LRRK1: variants seen among roughly 807,000 people sequenced by gnomAD.
The protein encoded by LRRK1 is leucine rich repeat kinase 1, also known as leucine-rich repeat serine/threonine-protein kinase 1.
In LRRK1, 113 loss-of-function variants were observed where a neutral mutation model predicts 209.1. The observed-to-expected ratio is 0.54, with a 90% CI of 0.46 to 0.63. The LOEUF (loss-of-function observed/expected upper bound fraction) is 0.63. Ranked by LOEUF, LRRK1 falls within the 30% of genes least tolerant of loss-of-function variation. The probability of loss-of-function intolerance (pLI) is 0.00; values close to 1 mark genes in which losing one functional copy is unlikely to be tolerated. For synonymous variants in LRRK1, 1,144 were observed against 1,099.7 expected (o/e 1.04, Z -0.80); for missense variants, 2,284 against 2,632.2 (o/e 0.87, Z 2.89).
intron 2 of LRRK1, among the ~76,000 whole-genome samples, chr15:100,958,103 G>A (rs1457243159): frequency 1.3e-5 from 2 of 152,128 alleles, no homozygotes; most frequent in Non-Finnish European, 2.9e-5. Context: ...TGATCTGCCC[G>A]CCTTAGCCTC....
At chr15:101,028,624 T>C (rs755212990) in intron 19 of LRRK1, among the ~76,000 whole-genome samples, 1 of 152,242 alleles carries the variant, frequency 6.6e-6, no homozygotes, top group African/African-American at 2.4e-5. Context: ...ACTCAGCACA[T>C]GTCTGCAAAT....
intron 20 of LRRK1, among the ~76,000 whole-genome samples, chr15:101,038,696 C>A (rs2034601884): frequency 6.6e-6 from 1 of 152,154 alleles, no homozygotes; most frequent in African/African-American, 2.4e-5. Context: ...TCCAGTGTTC[C>A]CTCTTGGATG....
chr15:100,993,263 G>T lies in LRRK1; in HGVS notation c.762+3865G>T, dbSNP rs78986056. ...CCTTTTTCTCTAATTTTAGCTTGTT[G>T]ATTACAGTATTTGAGCCCTTTATGT... is the stretch of plus-strand genomic sequence containing the variant. On this transcript the variant is annotated intron_variant, in intron 6 of 33. Coordinates refer to ENST00000388948, the MANE Select transcript of LRRK1 (RefSeq NM_024652.6). 3.2e-3 allele frequency among the ~76,000 whole-genome samples: 485 copies of T among 152,184 alleles called. 2 individuals are homozygous for T. Among genetic ancestry groups the T allele is most frequent in the African/African-American group, 0.011 (466 of 41,514 alleles).
rs773362599 is a variant in LRRK1, at chr15:101,022,526, G to C, written c.1996G>C (p.Val666Leu). Reference protein sequence around the residue: ...EILQTGRAPQVVHGEATIRTT... With the variant: ...EILQTGRAPQLVHGEATIRTT... ...CTTACAGACGGGGAGGGCCCCCCAG[G>C]TGGTGCATGGAGAGGCCACCATCAG... The change falls in exon 15 of 34, where the codon GTG (valine) becomes CTG (leucine). Residue 666 changes from valine (V) to leucine (L), a missense_variant. This residue lies in a region of LRRK1 where 494 missense variants were observed against 522.1 expected (regional missense o/e 0.95). Transcript: ENST00000388948. This position sits in a 1 kb window ranked among gnomAD's most constrained non-coding sequence, Gnocchi z 4.0. 2 of 1,613,994 alleles carry C rather than the reference G, an allele frequency of 1.2e-6. No individual in the cohort carries two copies. The highest frequency in any genetic ancestry group is 2.7e-5 in the African/African-American group (2 of 74,944).
chr15:101,057,724 G>A (rs1201226210), intron 28 of LRRK1, among the ~76,000 whole-genome samples: 1 of 152,202 alleles, frequency 6.6e-6, no homozygotes, highest in Admixed American at 6.5e-5. Flanking sequence ...GATGAAGAGT[G>A]TATGTCCTTG....
rs71151991 is a variant in LRRK1 at position 100,934,626 on chromosome 15, C to CAAAA, written c.97+9920_97+9923dup. Among the ~76,000 whole-genome samples, 10 of 72,384 alleles carry CAAAA rather than the reference C, an allele frequency of 1.4e-4. 2 individuals carry two copies. The highest frequency in any genetic ancestry group is 6.0e-4 in the Admixed American group (4 of 6,664). The allele number at this position is 72,384 out of a possible 152,430, so 47.5% of individuals were successfully genotyped here. The stretch of plus-strand genomic sequence containing the variant: ...CCAACATGGCAAAACCCCATCTCTA[C>CAAAA]AAAAAAAAAAAAAAAAAAAAAAAAA... On this transcript the variant is annotated intron_variant, in intron 2 of 33. Coordinates refer to ENST00000388948, the MANE Select transcript of LRRK1 (RefSeq NM_024652.6).
At chr15:101,043,226 T>G (rs1483878193) in intron 20 of LRRK1, among the ~76,000 whole-genome samples, 2 of 152,190 alleles carry the variant, frequency 1.3e-5, no homozygotes, top group Non-Finnish European at 2.9e-5. Flanking sequence ...TCCTGCACAG[T>G]GAGGCCAGAG....
intron 6 of LRRK1, among the ~76,000 whole-genome samples, chr15:100,992,874 G>GGTCA (rs1349812622): frequency 6.6e-6 from 1 of 152,156 alleles, no homozygotes; most frequent in Non-Finnish European, 1.5e-5. Context: ...TCACCATGTT[G>GGTCA]GTCAGGCTAG....
intron 4 of LRRK1, among the ~76,000 whole-genome samples, chr15:100,987,848 T>A (rs2031953385): frequency 6.6e-6 from 1 of 152,226 alleles, no homozygotes; most frequent in Non-Finnish European, 1.5e-5. Flanking sequence ...TACTCCTGCA[T>A]GTAATGTTAC....
At chr15:100,942,486 C>G (rs755806872) in intron 2 of LRRK1, among the ~76,000 whole-genome samples, 29 of 152,090 alleles carry the variant, frequency 1.9e-4, no homozygotes, top group Admixed American at 3.9e-4. Flanking sequence ...TTATTTGGCT[C>G]TAAGCTAGAG....
rs753215389 is a variant in LRRK1, at chr15:101,029,182, C to T, written c.2913C>T (p.Tyr971=). 1 of 1,613,832 alleles carries T rather than the reference C, an allele frequency of 6.2e-7. No individual in the cohort carries two copies. Among genetic ancestry groups the T allele is most frequent in the Non-Finnish European group, 8.5e-7 (1 of 1,179,732 alleles). ...TGFTQQTEEQ[Y]FQFLAKFEIA... ...TCACGCAGCAGACGGAAGAGCAGTA[C>T]TTCCAGTTCCTGGCCAAGTTTGAGA... Residue 971 remains tyrosine, a synonymous_variant, in exon 20 of 34, where the codon TAC becomes TAT. Transcript: ENST00000388948.
rs7179909 is a variant in LRRK1 at position 101,072,338 on chromosome 15, A to T, written c.*3490A>T. 69,759 of 152,156 alleles carry T rather than the reference A, an allele frequency of 0.46. 16,979 individuals are homozygous for T. The highest frequency in any genetic ancestry group is 0.54 in the South Asian group (2,631 of 4,828). 9.4% of individuals were successfully genotyped at this position (152,156 alleles called of 1,614,324 possible). A position where few individuals can be genotyped will look rare whatever the true frequency, so the allele number is the denominator to read the frequency against. On this transcript the variant is annotated 3_prime_UTR_variant, in exon 34 of 34. Transcript: ENST00000388948. ...CAAACAGGAAGCAACCCCAACCTCT[A>T]TCATGAGGGAGGTCATAAAATTCCT...
chr15:100,986,726 C>T (rs551875416), intron 4 of LRRK1, among the ~76,000 whole-genome samples: 3 of 152,362 alleles, frequency 2.0e-5, no homozygotes, highest in Admixed American at 1.3e-4. Context: ...ATCAAGCCAG[C>T]AGATGATCAA....
At chr15:100,989,783 GCTATAGCA>G (rs2032057435) in intron 6 of LRRK1, 1 of 281,772 alleles carries the variant, frequency 3.5e-6, no homozygotes, top group Admixed American at 5.1e-5. Flanking sequence ...GGACATTCAA[GCTATAGCA>G]GGGTGGGAGC....
intron 2 of LRRK1, among the ~76,000 whole-genome samples, chr15:100,973,380 G>A (rs2141652538): frequency 6.6e-6 from 1 of 152,348 alleles, no homozygotes; most frequent in East Asian, 1.9e-4. Flanking sequence ...GAAAGCGTCT[G>A]GATGTCCACA....
At chr15:101,013,204 G>GCATGAAAT (rs1193725041) in intron 10 of LRRK1, among the ~76,000 whole-genome samples, 3 of 152,178 alleles carry the variant, frequency 2.0e-5, no homozygotes. Context: ...ACATGGCAGG[G>GCATGAAAT]TCTCCATAGA....
chr15:101,060,562 T>C (rs1050920073), intron 29 of LRRK1, among the ~76,000 whole-genome samples: 5 of 152,240 alleles, frequency 3.3e-5, no homozygotes, highest in African/African-American at 1.2e-4. Context: ...CATATTCTCT[T>C]GAGTCTGAGG....
At chr15:101,011,664 T>A (rs6598413) in intron 9 of LRRK1, among the ~76,000 whole-genome samples, 115,992 of 151,914 alleles carry the variant, frequency 0.76, 44,480 homozygotes, top group East Asian at 0.88. Context: ...ACTGGCATTA[T>A]CATTCCTAGT....
At chr15:101,049,196 T>G (rs958652097) in intron 22 of LRRK1, among the ~76,000 whole-genome samples, 1 of 152,246 alleles carries the variant, frequency 6.6e-6, no homozygotes, top group African/African-American at 2.4e-5. Context: ...TTTTAATGTT[T>G]ACAATGAACT....
Sources: allele counts gnomAD v4.1 joint callset (sites outside exome capture counted in the v4.1 genomes callset), GRCh38; gene constraint gnomAD v4.1.1; regional missense constraint gnomAD v4.1.1; non-coding constraint Gnocchi (gnomAD v3.1); transcripts MANE v1.5; gene names NCBI Gene and HGNC (gene_info 2026-07-23, HGNC 2026-07-21).